Variants in PIK3C3 observed in about 807,000 individuals in gnomAD.
PIK3C3 encodes the protein PI3-kinase type 3.
A neutral mutation model predicts 126.1 loss-of-function variants in PIK3C3; 95 were observed. The ratio of observed to expected loss-of-function variants is 0.75; its 90% CI spans 0.64 to 0.89. The LOEUF (loss-of-function observed/expected upper bound fraction) is 0.89. PIK3C3 is among the 40% of genes least tolerant of loss of function. PIK3C3 has a pLI of 0.00. For synonymous variants in PIK3C3, 374 were observed against 360.0 expected, an observed-to-expected ratio of 1.04 and a Z score of -0.44; for missense variants, 829 against 1,063.2, an observed-to-expected ratio of 0.78 and a Z score of 3.06.
intron 16 of PIK3C3, 88 bp downstream of exon 16, chr18:42,034,045 C>A: frequency 1.2e-6 from 1 of 810,064 alleles, no homozygotes; most frequent in Non-Finnish European, 1.9e-6. Flanking sequence ...TATTACATTG[C>A]AGAGATCACA....
At chr18:41,973,099 A>G (rs645148) in intron 4 of PIK3C3, among the ~76,000 whole-genome samples, 13,691 of 152,120 alleles carry the variant, frequency 0.09, 2,014 homozygotes, top group African/African-American at 0.31. Context: ...AAGTACTGAT[A>G]TAGGAAATAA....
At chr18:41,979,798 T>G (rs1476908341) in intron 4 of PIK3C3, among the ~76,000 whole-genome samples, 1 of 151,940 alleles carries the variant, frequency 6.6e-6, no homozygotes, top group Non-Finnish European at 1.5e-5. Context: ...GCTAGCTGTT[T>G]CTGTATTCCT....
chr18:42,011,069 A>G (rs1050823795), intron 10 of PIK3C3, among the ~76,000 whole-genome samples: 1 of 152,202 alleles, frequency 6.6e-6, no homozygotes, highest in Non-Finnish European at 1.5e-5. Flanking sequence ...TTAAATATTC[A>G]TAAACCATGC....
At chr18:42,021,327 G>A (rs1341208683) in intron 13 of PIK3C3, among the ~76,000 whole-genome samples, 1 of 152,176 alleles carries the variant, frequency 6.6e-6, no homozygotes, top group African/African-American at 2.4e-5. Flanking sequence ...AAGGCACGGA[G>A]TGGCTGACTT....
Position 42,054,172 on chromosome 18 carries a change from A to G in PIK3C3, c.2264-3711A>G, listed in dbSNP as rs1340924273. 1.0e-4 allele frequency among the ~76,000 whole-genome samples: 7 copies of G among 68,512 alleles called. 1 individual carries two copies. Among genetic ancestry groups the G allele is most frequent in the Non-Finnish European group, 1.7e-4 (6 of 35,206 alleles). The allele number at this position is 68,512 out of a possible 152,430, so 44.9% of individuals were successfully genotyped here. ...TATATATATATATATATATATATAT[A>G]TATATATATATATATATATAAAGGG... On this transcript the variant is annotated intron_variant, in intron 21 of 24. Coordinates refer to ENST00000262039, the MANE Select transcript of PIK3C3 (RefSeq NM_002647.4).
At chr18:42,076,834 C>T (rs1235894046) in intron 24 of PIK3C3, among the ~76,000 whole-genome samples, 1 of 152,172 alleles carries the variant, frequency 6.6e-6, no homozygotes, top group African/African-American at 2.4e-5. Flanking sequence ...TCATTAACTG[C>T]TTTTAGTAAG....
intron 16 of PIK3C3, among the ~76,000 whole-genome samples, chr18:42,034,274 A>G (rs977300803): frequency 2.0e-5 from 3 of 152,052 alleles, no homozygotes; most frequent in Admixed American, 1.3e-4. Context: ...GGCTGGTCTC[A>G]TACTCCTGGC....
chr18:42,070,050 C>T (rs1985711030), intron 24 of PIK3C3, among the ~76,000 whole-genome samples: 1 of 152,170 alleles, frequency 6.6e-6, no homozygotes, highest in Non-Finnish European at 1.5e-5. Context: ...AGCAAAGCTT[C>T]ACTCAATAGG....
At chr18:41,963,354 T>TG (rs944893806) in intron 3 of PIK3C3, among the ~76,000 whole-genome samples, 9 of 152,206 alleles carry the variant, frequency 5.9e-5, no homozygotes, top group Non-Finnish European at 1.2e-4. Context: ...GCAAAGGTGG[T>TG]GATCGATGGC....
Position 42,087,801 on chromosome 18 carries a change from A to G in PIK3C3, c.*6664A>G, listed in dbSNP as rs1986428637. On this transcript the variant is annotated 3_prime_UTR_variant, in exon 25 of 25. Coordinates refer to ENST00000262039, the MANE Select transcript of PIK3C3 (RefSeq NM_002647.4). ...AAAATAAATGGTTAGTAGAATGTCT[A>G]ATTCAATAAATGTTTCATAAATGAG... 1 of 152,228 alleles carries G rather than the reference A, an allele frequency of 6.6e-6. No homozygotes were observed. Among genetic ancestry groups the G allele is most frequent in the South Asian group, 2.1e-4 (1 of 4,828 alleles). 9.4% of individuals were successfully genotyped at this position (152,228 alleles called of 1,614,324 possible). A position where few individuals can be genotyped will look rare whatever the true frequency, so the allele number is the denominator to read the frequency against.
chr18:41,968,271 A>G (rs1980472572), intron 3 of PIK3C3, among the ~76,000 whole-genome samples: 1 of 152,196 alleles, frequency 6.6e-6, no homozygotes, highest in African/African-American at 2.4e-5. Context: ...CTGAAGGTAC[A>G]TTTAAGGATA....
intron 5 of PIK3C3, among the ~76,000 whole-genome samples, chr18:41,989,380 T>C (rs374712746): frequency 2.0e-5 from 3 of 149,182 alleles, no homozygotes; most frequent in East Asian, 1.9e-4. Context: ...ATGTTTTAGA[T>C]GTAAAGCCAT....
intron 21 of PIK3C3, among the ~76,000 whole-genome samples, chr18:42,051,858 A>G (rs79744599): frequency 0.011 from 1,648 of 152,236 alleles, 29 homozygotes; most frequent in African/African-American, 0.038. Context: ...GAATTCTTTA[A>G]TATAAAAATA....
intron 7 of PIK3C3, among the ~76,000 whole-genome samples, chr18:41,994,095 G>A (rs563672223): frequency 2.4e-4 from 37 of 152,058 alleles, no homozygotes; most frequent in Non-Finnish European, 3.1e-4. Context: ...GATTAAAATT[G>A]GGACATTGGA....
chr18:42,084,633 T>C lies in PIK3C3; in HGVS notation c.*3496T>C, dbSNP rs1478904620. 1 of 129,048 alleles carries C rather than the reference T, an allele frequency of 7.7e-6. No homozygotes were observed. The highest frequency in any genetic ancestry group is 1.6e-5 in the Non-Finnish European group (1 of 60,886). 8.0% of individuals were successfully genotyped at this position (129,048 alleles called of 1,614,324 possible). On this transcript the variant is annotated 3_prime_UTR_variant, in exon 25 of 25. Coordinates refer to ENST00000262039, the MANE Select transcript of PIK3C3 (RefSeq NM_002647.4). ...GAAAAACAGAATAAGCCTCAGAAGA[T>C]AGTGAGCATCCCACCTGGGTGACCA...
chr18:42,068,564 C>T (rs1005276952), intron 24 of PIK3C3, among the ~76,000 whole-genome samples: 2 of 152,154 alleles, frequency 1.3e-5, no homozygotes, highest in East Asian at 1.9e-4. Flanking sequence ...ACCTTTATTA[C>T]GACTTGCACT....
intron 3 of PIK3C3, among the ~76,000 whole-genome samples, chr18:41,970,115 G>A (rs569138571): frequency 2.0e-5 from 3 of 152,142 alleles, no homozygotes; most frequent in South Asian, 4.2e-4. Context: ...AGTTCTGAGC[G>A]CTTGGAGGAG....
At chr18:42,010,368 C>T (rs147281897) in intron 10 of PIK3C3, among the ~76,000 whole-genome samples, 146 of 152,094 alleles carry the variant, frequency 9.6e-4, no homozygotes, top group Non-Finnish European at 1.6e-3. Flanking sequence ...CCACTGAAGT[C>T]TTTTTTGTTG....
At chr18:42,079,015 A>G (rs1312263845) in intron 24 of PIK3C3, among the ~76,000 whole-genome samples, 1 of 152,228 alleles carries the variant, frequency 6.6e-6, no homozygotes, top group East Asian at 1.9e-4. Context: ...TGCTCTCATC[A>G]TTCGTGTATT....
Sources: gnomAD v4.1 joint callset for allele counts (sites outside exome capture counted in the v4.1 genomes callset) on GRCh38, gnomAD v4.1.1 for gene constraint, MANE v1.5 for transcripts, NCBI Gene and HGNC (gene_info 2026-07-23, HGNC 2026-07-21) for gene names.